PKHD1: variants seen among roughly 807,000 people sequenced by gnomAD.
PKHD1 encodes the protein PKHD1 ciliary IPT domain containing fibrocystin/polyductin, also known as fibrocystin.
A neutral mutation model predicts 412.0 loss-of-function variants in PKHD1; 291 were observed. The observed-to-expected ratio is 0.71, with a 90% confidence interval of 0.64 to 0.78. PKHD1 has a LOEUF of 0.78. Among genes scored for constraint, PKHD1 ranks in the 30% least tolerant of loss-of-function variants. The pLI is 0.00. For missense variants in PKHD1, 4,825 were observed against 4,950.7 expected (o/e 0.97, Z 0.76); for synonymous variants, 1,777 against 1,821.5 (o/e 0.98, Z 0.62).
chr6:51,961,636 C>T (rs759607705), intron 35 of PKHD1, among the ~76,000 whole-genome samples: 37 of 151,962 alleles, frequency 2.4e-4, no homozygotes, highest in Non-Finnish European at 3.7e-4. Flanking sequence ...CTTTAATTTA[C>T]TCCTGTAGAA....
At position 51,627,219 on chromosome 6, in the gene PKHD1, T is replaced by A; in HGVS notation, c.11666-103A>T. The stretch of plus-strand genomic sequence containing the variant: ...ATGTACCCTTGTCCCAAAATTATCA[T>A]ACACATGCAACAGAAAGCATATAAC... On this transcript the variant is annotated intron_variant, in intron 65 of 66. Coordinates refer to ENST00000371117, the MANE Select transcript of PKHD1 (RefSeq NM_138694.4). 3 of 1,016,008 alleles carry A rather than the reference T, an allele frequency of 3.0e-6. No individual in the cohort carries two copies. In the South Asian group the frequency reaches 3.8e-5, roughly 13 times the overall value. 62.9% of individuals were successfully genotyped at this position (1,016,008 alleles called of 1,614,324 possible). A position where few individuals can be genotyped will look rare whatever the true frequency, so the allele number is the denominator to read the frequency against.
chr6:51,803,103 C>T lies in PKHD1; in HGVS notation c.8303-11730G>A, dbSNP rs530659045. 3.6e-4 allele frequency among the ~76,000 whole-genome samples: 54 copies of T among 151,338 alleles called. 4 individuals carry two copies. Among genetic ancestry groups the T allele is most frequent in the African/African-American group, 1.2e-3 (51 of 40,832 alleles). ...TATGTTGTACCAAAATTTATATTTT[C>T]TGAGCAAACCAATCTATATGTTGTG... On this transcript the variant is annotated intron_variant, in intron 52 of 66. Transcript: ENST00000371117.
At chr6:51,708,745 C>T (rs1780301636) in intron 60 of PKHD1, among the ~76,000 whole-genome samples, 3 of 152,322 alleles carry the variant, frequency 2.0e-5, no homozygotes, top group Admixed American at 2.0e-4. Flanking sequence ...ACCTCCATAT[C>T]ACTTGCTCCA....
intron 40 of PKHD1, among the ~76,000 whole-genome samples, chr6:51,908,012 T>C (rs952120231): frequency 2.6e-5 from 4 of 152,092 alleles, no homozygotes; most frequent in Non-Finnish European, 2.9e-5. Flanking sequence ...TATGTTCAAT[T>C]GATAACTTAT....
intron 37 of PKHD1, among the ~76,000 whole-genome samples, chr6:51,913,048 T>A (rs994677573): frequency 6.6e-6 from 1 of 152,090 alleles, no homozygotes; most frequent in Non-Finnish European, 1.5e-5. Context: ...TAATAGACCC[T>A]AAGGGTATGT....
Position 51,619,404 on chromosome 6 carries a change from G to A in PKHD1, c.11902C>T (p.Pro3968Ser), listed in dbSNP as rs766343973. 2 of 1,613,576 alleles carry A rather than the reference G, an allele frequency of 1.2e-6. No individual in the cohort carries two copies. Among genetic ancestry groups the A allele is most frequent in the East Asian group, 2.2e-5 (1 of 44,860 alleles). The change falls in exon 67 of 67, where the codon CCT becomes TCT. Residue 3968 changes from proline (P) to serine (S), a missense_variant. Pro to Ser is a moderately conservative substitution (Grantham distance 74, BLOSUM62 -1). Transcript: ENST00000371117. ...HIVREEEAAV[P>S]APGTTGITSH... is the part of the protein sequence containing the mutation. ...GTGATGCCAGTAGTACCAGGAGCAG[G>A]CACAGCAGCCTCTTCCTCTCGGACA...
At chr6:52,031,460 C>A (rs933535941) in intron 29 of PKHD1, among the ~76,000 whole-genome samples, 1 of 152,230 alleles carries the variant, frequency 6.6e-6, no homozygotes, top group Non-Finnish European at 1.5e-5. Flanking sequence ...CATAGTGGAG[C>A]TCTCTGAACC....
chr6:51,699,769 A>T (rs1779204625), intron 60 of PKHD1, among the ~76,000 whole-genome samples: 1 of 152,062 alleles, frequency 6.6e-6, no homozygotes, highest in Admixed American at 6.6e-5. Context: ...TTCTTTTTGT[A>T]TCTGTGCTAA....
At chr6:52,046,604 G>T (rs1286948141) in intron 23 of PKHD1, among the ~76,000 whole-genome samples, 2 of 152,240 alleles carry the variant, frequency 1.3e-5, no homozygotes, top group East Asian at 3.8e-4. Context: ...AGGGAGTGAG[G>T]GAGGCGTACA....
At chr6:51,620,861 C>T (rs1267235240) in intron 66 of PKHD1, among the ~76,000 whole-genome samples, 1 of 149,772 alleles carries the variant, frequency 6.7e-6, no homozygotes, top group Non-Finnish European at 1.5e-5. Flanking sequence ...CATGTTGTTC[C>T]TATTATTTCC....
At chr6:52,036,261 A>G in intron 27 of PKHD1, among the ~76,000 whole-genome samples, 1 of 152,218 alleles carries the variant, frequency 6.6e-6, no homozygotes, top group East Asian at 1.9e-4. Context: ...GACACTACAC[A>G]TACTAGGTTC....
At chr6:52,053,949 A>T in intron 20 of PKHD1, 89 bp downstream of exon 20, 1 of 1,351,722 alleles carries the variant, frequency 7.4e-7, no homozygotes, top group Admixed American at 1.7e-5. Flanking sequence ...ATATAAGACC[A>T]TTAGTGCCTG....
chr6:51,632,941 A>G (rs1768101550), intron 64 of PKHD1, among the ~76,000 whole-genome samples: 1 of 152,178 alleles, frequency 6.6e-6, no homozygotes, highest in Admixed American at 6.6e-5. Flanking sequence ...GTTATTTCCA[A>G]TTCTGTCAAT....
chr6:51,699,968 TTTA>T, intron 60 of PKHD1, among the ~76,000 whole-genome samples: 1 of 144,882 alleles, frequency 6.9e-6, no homozygotes, highest in African/African-American at 2.7e-5. Flanking sequence ...AAAACAGTAA[TTTA>T]TTATTACCTG....
Position 51,826,697 on chromosome 6 carries a change from C to T in PKHD1, c.8302+4164G>A, listed in dbSNP as rs1287328570. Among the ~76,000 whole-genome samples, 3 of 152,100 alleles carry T rather than the reference C, an allele frequency of 2.0e-5. No homozygotes were observed. In the East Asian group the frequency reaches 5.8e-4, roughly 29 times the overall value. On this transcript the variant is annotated intron_variant, in intron 52 of 66. Transcript: ENST00000371117. ...GCAAAGTTATCACGAACTTAAACTA[C>T]AAGAGCAAATTCTTAATGATTACCT...
chr6:52,079,865 A>G, intron 5 of PKHD1, 35 bp downstream of exon 5: 1 of 1,159,758 alleles, frequency 8.6e-7, no homozygotes, highest in Non-Finnish European at 1.3e-6. Context: ...CCCTTAGACT[A>G]TGTAAACATA....
At chr6:51,971,172 G>A (rs981811180) in intron 35 of PKHD1, among the ~76,000 whole-genome samples, 13 of 152,214 alleles carry the variant, frequency 8.5e-5, no homozygotes, top group African/African-American at 2.9e-4. Flanking sequence ...ATTTGGTTTT[G>A]CATGTGCCCA....
intron 52 of PKHD1, among the ~76,000 whole-genome samples, chr6:51,817,018 G>A (rs79795024): frequency 0.038 from 5,859 of 152,328 alleles, 179 homozygotes; most frequent in Middle Eastern, 0.11. Context: ...CTGGGGTGAA[G>A]GCAGGGATAG....
intron 50 of PKHD1, among the ~76,000 whole-genome samples, chr6:51,839,444 C>A (rs1199093742): frequency 6.6e-6 from 1 of 152,146 alleles, no homozygotes; most frequent in Admixed American, 6.6e-5. Flanking sequence ...CCAACTTTTT[C>A]TGACGAGTGC....
Sources: allele counts gnomAD v4.1 joint callset (sites outside exome capture counted in the v4.1 genomes callset), GRCh38; gene constraint gnomAD v4.1.1; transcripts MANE v1.5; gene names NCBI Gene and HGNC (gene_info 2026-07-23, HGNC 2026-07-21).